LVRN: variants seen among roughly 807,000 people sequenced by gnomAD.
The protein encoded by LVRN is laeverin.
A neutral mutation model predicts 111.4 loss-of-function variants in LVRN; 99 were observed. The observed-to-expected ratio is 0.89, with a 90% CI of 0.76 to 1.05. The LOEUF is 1.05. LVRN is among the 50% of genes least tolerant of loss of function. LVRN has a pLI of 0.00. For missense variants in LVRN, 1,414 were observed against 1,206.8 expected (o/e 1.17, Z -2.54); for synonymous variants, 488 against 449.5 (o/e 1.09, Z -1.08).
At chr5:116,000,316 A>T (rs1748211683) in intron 7 of LVRN, 117 bp from the exon 8 acceptor site, 1 of 1,385,694 alleles carries the variant, frequency 7.2e-7, no homozygotes, top group Non-Finnish European at 1.0e-6. Flanking sequence ...CAAACATTCA[A>T]CTAAAATGCA....
intron 1 of LVRN, chr5:115,974,395 G>A (rs547537709): frequency 2.2e-4 from 33 of 152,350 alleles, no homozygotes; most frequent in African/African-American, 7.5e-4. Context: ...TAGTGGTAAT[G>A]CTGATTGCAA....
intron 1 of LVRN, among the ~76,000 whole-genome samples, chr5:115,980,092 A>C (rs1753531025): frequency 6.6e-6 from 1 of 152,130 alleles, no homozygotes; most frequent in Non-Finnish European, 1.5e-5. Context: ...CCACAAGGAG[A>C]CAAATTCTCC....
In LVRN at chr5:115,962,701, G is replaced by A. The variant is rs773316192; in HGVS notation, c.84G>A (p.Leu28=). 1.2e-6 allele frequency: 2 copies of A among 1,611,410 alleles called. No individual in the cohort carries two copies. Among genetic ancestry groups the A allele is most frequent in the Admixed American group, 1.7e-5 (1 of 59,990 alleles). ...CTGGGCTGGTAGCCGCCCTCCTGCTGGCGCTGGCCGTACTCGCCGCCTTGT... is the reference window on the plus strand; with the variant it reads ...CTGGGCTGGTAGCCGCCCTCCTGCTAGCGCTGGCCGTACTCGCCGCCTTGT... ...LLAGLVAALL[L]ALAVLAALYG... Residue 28 remains leucine, a synonymous_variant, in exon 1 of 20, where the codon CTG becomes CTA. Transcript: ENST00000357872.
At position 116,000,470 on chromosome 5, in the gene LVRN, A is replaced by G; in HGVS notation, c.1553A>G (p.Asn518Ser). The change falls in exon 8 of 20, where the codon AAT becomes AGT. Residue 518 changes from asparagine to serine, a missense_variant. By Grantham distance (46) the Asn-to-Ser change is conservative. Transcript: ENST00000357872. ...SMARMLSCFL[N>S]EHLFVSALKS... ...GCCCGGATGCTTTCTTGTTTCTTGA[A>G]TGAGCATTTATTTGTCAGTGCACTC... 1 of 1,614,186 alleles carries G rather than the reference A, an allele frequency of 6.2e-7. No homozygotes were observed. Among genetic ancestry groups the G allele is most frequent in the Non-Finnish European group, 8.5e-7 (1 of 1,180,032 alleles).
At chr5:115,977,298 G>A (rs953069622) in intron 1 of LVRN, among the ~76,000 whole-genome samples, 15 of 152,086 alleles carry the variant, frequency 9.9e-5, no homozygotes, top group African/African-American at 3.4e-4. Context: ...TGAGACCACC[G>A]AATTGTTTCA....
chr5:115,979,053 C>T (rs1753508180), intron 1 of LVRN, among the ~76,000 whole-genome samples: 1 of 152,100 alleles, frequency 6.6e-6, no homozygotes, highest in Non-Finnish European at 1.5e-5. Context: ...CAGCGTATCT[C>T]AAAGCTCCTC....
intron 1 of LVRN, among the ~76,000 whole-genome samples, chr5:115,965,361 G>C (rs1202941881): frequency 3.9e-5 from 6 of 152,112 alleles, no homozygotes. Flanking sequence ...TCTGGAGATA[G>C]GTTGACAACA....
chr5:116,016,771 A>G (rs1748609237), intron 18 of LVRN, among the ~76,000 whole-genome samples: 1 of 152,208 alleles, frequency 6.6e-6, no homozygotes, highest in Non-Finnish European at 1.5e-5. Flanking sequence ...GATGTAAACA[A>G]AACGTCATTT....
Position 116,027,237 on chromosome 5 carries a change from T to A in LVRN, c.*1119T>A, listed in dbSNP as rs535637197. 3.3e-5 allele frequency: 5 copies of A among 152,340 alleles called. No homozygotes were observed. The highest frequency in any genetic ancestry group is 6.5e-5 in the Admixed American group (1 of 15,294). 9.4% of individuals were successfully genotyped at this position (152,340 alleles called of 1,614,324 possible). A position where few individuals can be genotyped will look rare whatever the true frequency, so the allele number is the denominator to read the frequency against. Reference sequence around the variant, plus strand: ...ATATGATTTAATCTTTTATTTTTATTTTTGTAGAATGGGGGTAAAACTACA... The same window carrying A: ...ATATGATTTAATCTTTTATTTTTATATTTGTAGAATGGGGGTAAAACTACA... On this transcript the variant is annotated 3_prime_UTR_variant, in exon 20 of 20. Transcript: ENST00000357872.
intron 14 of LVRN, among the ~76,000 whole-genome samples, chr5:116,011,137 G>C (rs1267597889): frequency 3.4e-5 from 5 of 148,582 alleles, no homozygotes; most frequent in Non-Finnish European, 6.0e-5. Flanking sequence ...TTCATTCTTG[G>C]TGAAGTGACA....
In LVRN at chr5:115,993,843, A is replaced by C; in HGVS notation, c.1363A>C (p.Lys455Gln). The C allele has an allele frequency of 6.3e-7, 1 of 1,588,306 alleles. No individual in the cohort carries two copies. Among genetic ancestry groups the C allele is most frequent in the Non-Finnish European group, 8.6e-7 (1 of 1,163,016 alleles). The change falls in exon 6 of 20, where the codon AAA (lysine) becomes CAA (glutamine). Residue 455 changes from lysine to glutamine, a missense_variant. Physicochemically the swap from Lys to Gln is moderately conservative, Grantham distance 53. Coordinates refer to ENST00000357872, the MANE Select transcript of LVRN (RefSeq NM_173800.5). The part of the protein sequence containing the change: ...EFEVINYFNP[K>Q]LPRNEIFFSN... The stretch of plus-strand genomic sequence containing the variant: ...TGAAGTAATTAACTACTTTAATCCT[A>C]AACTCCCAAGAGTAAGTATGTTTAC...
Position 115,970,356 on chromosome 5 carries a change from G to A in LVRN, c.695+7044G>A, listed in dbSNP as rs887176876. On this transcript the variant is annotated intron_variant, in intron 1 of 19. Transcript: ENST00000357872. ...TGTACTCTCATGTCTAACTTCTTTC[G>A]TTCAGTAGAATTACTTTGAAATACA... Among the ~76,000 whole-genome samples, 10 of 148,868 alleles carry A rather than the reference G, an allele frequency of 6.7e-5. 1 individual carries two copies. Among genetic ancestry groups the A allele is most frequent in the Non-Finnish European group, 1.2e-4 (8 of 67,264 alleles).
intron 1 of LVRN, 57 bp downstream of exon 1, chr5:115,963,369 G>A (rs563064293): frequency 5.6e-5 from 80 of 1,429,970 alleles, no homozygotes; most frequent in Non-Finnish European, 5.6e-5. Context: ...TCCCGGTGCA[G>A]GCTGCGGGTC....
At chr5:115,989,941 A>G (rs1747947937) in intron 4 of LVRN, among the ~76,000 whole-genome samples, 1 of 152,158 alleles carries the variant, frequency 6.6e-6, no homozygotes, top group Non-Finnish European at 1.5e-5. Flanking sequence ...TGCCTCCCCT[A>G]CCAGCATTTC....
chr5:116,012,412 T>C lies in LVRN; in HGVS notation c.2286T>C (p.Ile762=). 1 of 1,542,224 alleles carries C rather than the reference T, an allele frequency of 6.5e-7. No individual in the cohort carries two copies. The highest frequency in any genetic ancestry group is 8.9e-7 in the Non-Finnish European group (1 of 1,121,810). ...LLKRLNLIWN[I]YSTIIRENVL... is the part of the protein sequence containing the mutation. Reference sequence around the variant, plus strand: ...AGAGACTTAATTTAATATGGAATATTTATTCAACTATAATTCGTGAAAATG... The same window carrying C: ...AGAGACTTAATTTAATATGGAATATCTATTCAACTATAATTCGTGAAAATG... Residue 762 remains isoleucine, a synonymous_variant, in exon 15 of 20, where the codon ATT becomes ATC. Transcript: ENST00000357872.
chr5:115,993,931 A>G (rs1748051171), intron 6 of LVRN, 77 bp downstream of exon 6: 6 of 803,588 alleles, frequency 7.5e-6, no homozygotes, highest in African/African-American at 1.8e-5. Flanking sequence ...TTGAAAATGT[A>G]TAAAATACAA....
chr5:116,014,667 C>T, intron 16 of LVRN, 140 bp downstream of exon 16: 1 of 682,362 alleles, frequency 1.5e-6, no homozygotes, highest in Non-Finnish European at 2.5e-6. Flanking sequence ...TTTCAAATAC[C>T]TTTTTTAAAA....
chr5:116,003,578 GTTTTTTTTGT>G (rs1193038767), intron 12 of LVRN, among the ~76,000 whole-genome samples, 198 bp downstream of exon 12: 4 of 79,410 alleles, frequency 5.0e-5, no homozygotes, highest in African/African-American at 1.7e-4. Context: ...GTTTTTTTTT[GTTTTTTTTGT>G]TTTTTTTTTT....
chr5:116,017,961 T>C (rs907885307), intron 18 of LVRN, among the ~76,000 whole-genome samples: 11 of 152,178 alleles, frequency 7.2e-5, no homozygotes, highest in African/African-American at 2.2e-4. Context: ...AATGTTGTTC[T>C]TTAAAATAAC....
Sources: gnomAD v4.1 joint callset for allele counts (sites outside exome capture counted in the v4.1 genomes callset) on GRCh38, gnomAD v4.1.1 for gene constraint, MANE v1.5 for transcripts, NCBI Gene and HGNC (gene_info 2026-07-23, HGNC 2026-07-21) for gene names.